Variants in ACACB observed in about 807,000 individuals in gnomAD.
ACACB encodes the protein acetyl-CoA carboxylase beta.
In ACACB, 209 loss-of-function variants were observed where a neutral mutation model predicts 278.8. That is an observed-to-expected ratio of 0.75 (90% CI 0.67 to 0.84). The LOEUF (loss-of-function observed/expected upper bound fraction) is 0.84. ACACB is among the 40% of genes least tolerant of loss of function. ACACB has a pLI of 0.00. For synonymous variants in ACACB, 1,174 were observed against 1,285.6 expected (o/e 0.91, Z 1.86); for missense variants, 2,850 against 3,269.0 (o/e 0.87, Z 3.13).
intron 1 of ACACB, among the ~76,000 whole-genome samples, chr12:109,137,567 CAAGA>C (rs1448038103): frequency 6.6e-6 from 1 of 151,206 alleles, no homozygotes; most frequent in Non-Finnish European, 1.5e-5. Flanking sequence ...GGCTGAGGCT[CAAGA>C]ATCTCTTGAA....
At chr12:109,197,212 A>G (rs2045168347) in intron 17 of ACACB, 59 bp downstream of exon 17, 1 of 1,558,540 alleles carries the variant, frequency 6.4e-7, no homozygotes, top group South Asian at 1.2e-5. Flanking sequence ...TGTCCTAGGC[A>G]TGGAAAACAC....
intron 1 of ACACB, among the ~76,000 whole-genome samples, chr12:109,117,842 G>A (rs539962909): frequency 6.6e-6 from 1 of 152,240 alleles, no homozygotes; most frequent in Admixed American, 6.5e-5. Flanking sequence ...CGCCTCCTGG[G>A]TTCACGCCAT....
chr12:109,141,772 T>G (rs906953657), intron 2 of ACACB, among the ~76,000 whole-genome samples: 2 of 152,086 alleles, frequency 1.3e-5, no homozygotes, highest in Non-Finnish European at 2.9e-5. Context: ...GGAAGAGTGT[T>G]TGAGTTTCTA....
At chr12:109,132,457 G>T (rs976773484) in intron 1 of ACACB, among the ~76,000 whole-genome samples, 1 of 152,114 alleles carries the variant, frequency 6.6e-6, no homozygotes, top group African/African-American at 2.4e-5. Flanking sequence ...GAGCCATCAC[G>T]CCCGGTCCCA....
chr12:109,181,232 T>C (rs960700742), intron 11 of ACACB, among the ~76,000 whole-genome samples: 18 of 148,300 alleles, frequency 1.2e-4, no homozygotes, highest in African/African-American at 3.7e-4. Context: ...TTCTTTTCTT[T>C]TTTTTTTTTT....
chr12:109,170,153 C>G (rs2044063941), intron 4 of ACACB, among the ~76,000 whole-genome samples: 1 of 152,046 alleles, frequency 6.6e-6, no homozygotes, highest in Non-Finnish European at 1.5e-5. Context: ...CTTGCTCTAC[C>G]TCCCGGGTTC....
chr12:109,210,097 GTGTGTGTATA>G, intron 21 of ACACB, among the ~76,000 whole-genome samples: 1 of 85,878 alleles, frequency 1.2e-5, no homozygotes, highest in African/African-American at 5.5e-5. Context: ...ATACACACAT[GTGTGTGTATA>G]TGTATATATA....
At chr12:109,242,167 G>A (rs562728026) in intron 36 of ACACB, 6 of 379,794 alleles carry the variant, frequency 1.6e-5, no homozygotes, top group East Asian at 4.8e-5. Flanking sequence ...TTTCACCAGC[G>A]TTTCCATGCA....
At position 109,174,196 on chromosome 12, in the gene ACACB, G is replaced by A. The variant is rs1278040545; in HGVS notation, c.1182G>A (p.Thr394=). 5.0e-6 allele frequency: 8 copies of A among 1,613,020 alleles called. No homozygotes were observed. The highest frequency in any genetic ancestry group is 1.3e-5 in the African/African-American group (1 of 74,922). ...DKIASTVVAQ[T]LQVPTLPWSG... Reference sequence around the variant, plus strand: ...TCGCCTCCACCGTTGTCGCCCAGACGCTACAGGTCCCAACCCTGCCCTGGA... The same window carrying A: ...TCGCCTCCACCGTTGTCGCCCAGACACTACAGGTCCCAACCCTGCCCTGGA... Residue 394 remains threonine (T), a synonymous_variant, in exon 7 of 53, where the codon ACG becomes ACA. Transcript: ENST00000338432.
Position 109,237,390 on chromosome 12 carries a change from C to G in ACACB, c.4662+10C>G, listed in dbSNP as rs747084293. On this transcript the variant is annotated intron_variant, in intron 34 of 52. Coordinates refer to ENST00000338432, the MANE Select transcript of ACACB (RefSeq NM_001093.4). Reference sequence around the variant, plus strand: ...TGACCTGATCACAAAGGTAAGATGTCGCAGAGCATTTCTTCCTCTCTCAGA... The same window carrying G: ...TGACCTGATCACAAAGGTAAGATGTGGCAGAGCATTTCTTCCTCTCTCAGA... The G allele has an allele frequency of 2.6e-5, 42 of 1,609,934 alleles. 2 individuals carry two copies. The South Asian group carries it at 4.4e-4, about 17-fold the overall frequency.
rs1040719955 is a variant in ACACB at position 109,246,298 on chromosome 12, C to T, written c.5421C>T (p.Asp1807=). The change falls in exon 39 of 53, where the codon GAC becomes GAT. Residue 1807 remains aspartate, a synonymous_variant. Coordinates refer to ENST00000338432, the MANE Select transcript of ACACB (RefSeq NM_001093.4). ...FRIGSFGPGE[D]LLYLRASEMA... ...TTGGATCCTTTGGCCCTGGAGAGGA[C>T]CTTCTGTACCTGCGGGCATCCGAGA... is the stretch of plus-strand genomic sequence containing the variant. The T allele has an allele frequency of 3.1e-6, 5 of 1,612,120 alleles. No individual in the cohort carries two copies. The Admixed American group carries it at 6.7e-5, about 22-fold the overall frequency.
At chr12:109,189,626 G>C (rs1203115005) in intron 13 of ACACB, among the ~76,000 whole-genome samples, 4 of 152,126 alleles carry the variant, frequency 2.6e-5, no homozygotes, top group African/African-American at 7.2e-5. Context: ...AAGGAAACTG[G>C]GACAAGTCAC....
Position 109,174,145 on chromosome 12 carries a change from G to A in ACACB, c.1131G>A (p.Glu377=), listed in dbSNP as rs2044207123. 6.2e-7 allele frequency: 1 copy of A among 1,611,682 alleles called. No individual in the cohort carries two copies. Among genetic ancestry groups the A allele is most frequent in the South Asian group, 1.1e-5 (1 of 90,380 alleles). The change falls in exon 7 of 53, where the codon GAG becomes GAA. Residue 377 remains glutamate, a synonymous_variant. Coordinates refer to ENST00000338432, the MANE Select transcript of ACACB (RefSeq NM_001093.4). ...CCGATTCCTCAGGCCCTCCCAGTGA[G>A]GCCATGTGGGCCTTAGGAGATAAGA... ...NGVAFLGPPS[E]AMWALGDKIA...
intron 11 of ACACB, among the ~76,000 whole-genome samples, chr12:109,181,149 ATCATGGTC>A (rs900447957): frequency 4.6e-5 from 7 of 151,386 alleles, no homozygotes; most frequent in African/African-American, 1.7e-4. Context: ...GTTGTTGCAA[ATCATGGTC>A]TCATTCTTTT....
chr12:109,198,260 A>T (rs2045211085), intron 17 of ACACB, among the ~76,000 whole-genome samples: 1 of 151,512 alleles, frequency 6.6e-6, no homozygotes, highest in Non-Finnish European at 1.5e-5. Context: ...TATAGGTTCT[A>T]CTCTCCCCAG....
chr12:109,165,783 G>A (rs1285990403), intron 2 of ACACB, among the ~76,000 whole-genome samples: 3 of 152,126 alleles, frequency 2.0e-5, no homozygotes, highest in Non-Finnish European at 4.4e-5. Flanking sequence ...GGCCTTGTGA[G>A]ATAACTAAAT....
intron 29 of ACACB, 71 bp downstream of exon 29, chr12:109,232,877 C>A: frequency 1.1e-5 from 17 of 1,577,522 alleles, no homozygotes; most frequent in Non-Finnish European, 1.5e-5. Context: ...AATCCCCCCC[C>A]AATTCACTGG....
At position 109,187,435 on chromosome 12, in the gene ACACB, A is replaced by T. The variant is rs771970076; in HGVS notation, c.1981-564A>T. Among the ~76,000 whole-genome samples, 26 of 109,312 alleles carry T rather than the reference A, an allele frequency of 2.4e-4. 1 individual carries two copies. In the South Asian group the frequency reaches 4.0e-3, roughly 17 times the overall value. 71.7% of individuals were successfully genotyped at this position (109,312 alleles called of 152,430 possible). A position where few individuals can be genotyped will look rare whatever the true frequency, so the allele number is the denominator to read the frequency against. Reference sequence around the variant, plus strand: ...ATCTCTGTCCCAACTCGCTTATTTTATTTATTTATTTATTTATTTATTTAT... The same window carrying T: ...ATCTCTGTCCCAACTCGCTTATTTTTTTTATTTATTTATTTATTTATTTAT... On this transcript the variant is annotated intron_variant, in intron 12 of 52. Transcript: ENST00000338432.
chr12:109,258,682 G>C (rs565309001), intron 46 of ACACB, among the ~76,000 whole-genome samples: 1 of 152,356 alleles, frequency 6.6e-6, no homozygotes, highest in South Asian at 2.1e-4. Context: ...GGAGTCAAGA[G>C]GGCTGGGTTC....
Sources: gnomAD v4.1 joint callset for allele counts (sites outside exome capture counted in the v4.1 genomes callset) on GRCh38, gnomAD v4.1.1 for gene constraint, MANE v1.5 for transcripts, NCBI Gene and HGNC (gene_info 2026-07-23, HGNC 2026-07-21) for gene names.